RIMS2: variants seen among roughly 807,000 people sequenced by gnomAD.
RIMS2 encodes regulating synaptic membrane exocytosis protein 2.
RIMS2 carries 59 observed loss-of-function variants against 174.4 expected under a neutral mutation model. The observed-to-expected ratio is 0.34, with a 90% CI of 0.27 to 0.42. The LOEUF (loss-of-function observed/expected upper bound fraction) is 0.42, where lower values mean the gene tolerates loss of function less well. Among genes scored for constraint, RIMS2 ranks in the 10% least tolerant of loss-of-function variants. RIMS2 has a pLI of 1.00. For missense variants in RIMS2, 1,620 were observed against 1,666.3 expected, an observed-to-expected ratio of 0.97 and a Z score of 0.48; for synonymous variants, 606 against 572.5, an observed-to-expected ratio of 1.06 and a Z score of -0.84.
intron 1 of RIMS2, among the ~76,000 whole-genome samples, chr8:103,653,578 C>A (rs1224848644): frequency 6.6e-6 from 1 of 152,046 alleles, no homozygotes; most frequent in Non-Finnish European, 1.5e-5. Context: ...GACATGGACT[C>A]CAGGAGAGAA....
chr8:103,914,709 T>C (rs1490535450), intron 6 of RIMS2, among the ~76,000 whole-genome samples: 1 of 152,146 alleles, frequency 6.6e-6, no homozygotes, highest in African/African-American at 2.4e-5. Context: ...ACTTTCACTC[T>C]ATTTAGAAGA....
intron 10 of RIMS2, among the ~76,000 whole-genome samples, chr8:103,924,443 G>A (rs2078331761): frequency 6.6e-6 from 1 of 151,512 alleles, no homozygotes; most frequent in Non-Finnish European, 1.5e-5. Context: ...CTATCAGCCT[G>A]GAGACAATTT....
At chr8:103,872,016 C>G (rs1392264838) in intron 3 of RIMS2, among the ~76,000 whole-genome samples, 1 of 152,176 alleles carries the variant, frequency 6.6e-6, no homozygotes, top group African/African-American at 2.4e-5. Flanking sequence ...TCTTGCTTAA[C>G]TGTACAGTGG....
At chr8:103,844,542 T>C (rs558580001) in intron 3 of RIMS2, among the ~76,000 whole-genome samples, 1 of 152,306 alleles carries the variant, frequency 6.6e-6, no homozygotes, top group South Asian at 2.1e-4. Context: ...TTTTAAAAAA[T>C]ATTTCTAAGT....
intron 1 of RIMS2, among the ~76,000 whole-genome samples, chr8:103,579,878 G>A (rs987149062): frequency 6.6e-6 from 1 of 152,184 alleles, no homozygotes; most frequent in Non-Finnish European, 1.5e-5. Flanking sequence ...GGGGAAGCAA[G>A]TATGTCTTCA....
At chr8:103,512,664 T>G in intron 1 of RIMS2, among the ~76,000 whole-genome samples, 1 of 152,092 alleles carries the variant, frequency 6.6e-6, no homozygotes, top group East Asian at 1.9e-4. Flanking sequence ...AATCCTATCA[T>G]GTATAGAGGG....
chr8:104,110,020 A>AGGG (rs2098149576), intron 19 of RIMS2, among the ~76,000 whole-genome samples: 2 of 152,182 alleles, frequency 1.3e-5, no homozygotes, highest in Non-Finnish European at 2.9e-5. Flanking sequence ...TATTTTCTAG[A>AGGG]GGGGAGATGG....
chr8:103,602,812 G>C (rs1384556377), intron 1 of RIMS2, among the ~76,000 whole-genome samples: 1 of 151,922 alleles, frequency 6.6e-6, no homozygotes, highest in African/African-American at 2.4e-5. Context: ...TAATTCTTTT[G>C]GGCATATACT....
At chr8:104,029,639 G>A (rs1192104335) in intron 19 of RIMS2, among the ~76,000 whole-genome samples, 1 of 152,066 alleles carries the variant, frequency 6.6e-6, no homozygotes, top group Non-Finnish European at 1.5e-5. Flanking sequence ...CCACATTTCA[G>A]AAAATGCTGT....
intron 1 of RIMS2, among the ~76,000 whole-genome samples, chr8:103,584,643 C>G (rs2133001460): frequency 6.6e-6 from 1 of 152,180 alleles, no homozygotes; most frequent in East Asian, 1.9e-4. Context: ...TTTGTTTATG[C>G]AAATAGTGCT....
intron 19 of RIMS2, among the ~76,000 whole-genome samples, chr8:104,048,542 A>T (rs1044102276): frequency 6.6e-6 from 1 of 152,176 alleles, no homozygotes; most frequent in Non-Finnish European, 1.5e-5. Context: ...ATGTTCATAG[A>T]CTTTTGACTG....
chr8:103,886,816 A>G (rs2099205369), intron 4 of RIMS2, among the ~76,000 whole-genome samples: 1 of 151,644 alleles, frequency 6.6e-6, no homozygotes, highest in South Asian at 2.1e-4. Flanking sequence ...TTCTTTAGTA[A>G]TACGTTTTAA....
At chr8:104,070,532 GT>G (rs2097178781) in intron 19 of RIMS2, among the ~76,000 whole-genome samples, 1 of 152,082 alleles carries the variant, frequency 6.6e-6, no homozygotes, top group African/African-American at 2.4e-5. Context: ...TGATATCTGT[GT>G]TTTTCATTTG....
At chr8:103,859,382 A>G (rs1490817549) in intron 3 of RIMS2, among the ~76,000 whole-genome samples, 2 of 151,908 alleles carry the variant, frequency 1.3e-5, no homozygotes, top group African/African-American at 4.8e-5. Context: ...GGGATGTACT[A>G]TTTCCTCCCA....
chr8:103,956,690 G>A (rs536405236), intron 14 of RIMS2, among the ~76,000 whole-genome samples: 1 of 152,192 alleles, frequency 6.6e-6, no homozygotes, highest in South Asian at 2.1e-4. Context: ...CATTGGCATG[G>A]GCAAAGACTT....
At chr8:103,597,845 C>A (rs1450770237) in intron 1 of RIMS2, among the ~76,000 whole-genome samples, 1 of 151,770 alleles carries the variant, frequency 6.6e-6, no homozygotes, top group Non-Finnish European at 1.5e-5. Flanking sequence ...GTCATGAAAT[C>A]AATTTGGTGT....
At chr8:103,924,526 C>T (rs1459497559) in intron 10 of RIMS2, among the ~76,000 whole-genome samples, 1 of 151,500 alleles carries the variant, frequency 6.6e-6, no homozygotes, top group East Asian at 1.9e-4. Context: ...ACTAGGAAGT[C>T]ATAAACCAAC....
chr8:104,043,786 C>T (rs1307616784), intron 19 of RIMS2, among the ~76,000 whole-genome samples: 1 of 151,556 alleles, frequency 6.6e-6, no homozygotes, highest in Admixed American at 6.6e-5. Flanking sequence ...GCATGGATTA[C>T]AGTTTGGGAA....
chr8:103,563,452 A>G (rs534157518), intron 1 of RIMS2, among the ~76,000 whole-genome samples: 2 of 152,254 alleles, frequency 1.3e-5, no homozygotes, highest in East Asian at 3.9e-4. Flanking sequence ...CTTTGCTCCA[A>G]TTCCCAACAA....
Sources: gnomAD v4.1 joint callset for allele counts (sites outside exome capture counted in the v4.1 genomes callset) on GRCh38, gnomAD v4.1.1 for gene constraint, MANE v1.5 for transcripts, NCBI Gene and HGNC (gene_info 2026-07-23, HGNC 2026-07-21) for gene names.